Variants in ADGRB3 observed in about 807,000 individuals in gnomAD.
ADGRB3 encodes adhesion G protein-coupled receptor B3, also known as brain-specific angiogenesis inhibitor 3.
Under a neutral mutation model 193.4 loss-of-function variants are expected in ADGRB3, and 37 were observed. The ratio of observed to expected loss-of-function variants is 0.19; its 90% CI spans 0.15 to 0.25. ADGRB3 has a LOEUF of 0.25. ADGRB3 is among the 10% of genes least tolerant of loss of function. The pLI, the probability that ADGRB3 is intolerant of heterozygous loss-of-function variation, is 1.00. For synonymous variants in ADGRB3, 690 were observed against 644.2 expected (o/e 1.07, Z -1.08); for missense variants, 1,637 against 1,852.9 (o/e 0.88, Z 2.14).
At chr6:68,835,772 C>G (rs1057169137) in intron 3 of ADGRB3, among the ~76,000 whole-genome samples, 1 of 151,972 alleles carries the variant, frequency 6.6e-6, no homozygotes, top group Non-Finnish European at 1.5e-5. Context: ...TGGTTTTTTT[C>G]TCATATTTTT....
intron 20 of ADGRB3, among the ~76,000 whole-genome samples, chr6:69,267,010 T>A (rs954033651): frequency 2.2e-4 from 33 of 152,190 alleles, no homozygotes; most frequent in African/African-American, 7.5e-4. Flanking sequence ...TTGTGCAAGA[T>A]TATGATTTTC....
intron 15 of ADGRB3, among the ~76,000 whole-genome samples, chr6:69,060,206 G>GTC (rs1160918273): frequency 5.7e-5 from 4 of 69,724 alleles, no homozygotes; most frequent in East Asian, 2.3e-4. Flanking sequence ...CTCTTTCTCT[G>GTC]TCTCTCTCTC....
intron 10 of ADGRB3, among the ~76,000 whole-genome samples, chr6:68,986,387 A>G (rs1420731200): frequency 1.3e-5 from 2 of 152,172 alleles, no homozygotes; most frequent in African/African-American, 4.8e-5. Context: ...TTCTGGACCA[A>G]ATCTGCCCTA....
chr6:69,035,318 T>C (rs1200488967), intron 13 of ADGRB3, among the ~76,000 whole-genome samples: 1 of 151,644 alleles, frequency 6.6e-6, no homozygotes, highest in East Asian at 2.0e-4. Context: ...ATACTTCAGT[T>C]CTCCCTATTT....
At chr6:68,778,760 C>T (rs1411622177) in intron 3 of ADGRB3, among the ~76,000 whole-genome samples, 1 of 152,020 alleles carries the variant, frequency 6.6e-6, no homozygotes, top group Admixed American at 6.6e-5. Context: ...CAAAATACTA[C>T]CTCTCTCCAG....
At chr6:68,907,036 A>G (rs1766567779) in intron 3 of ADGRB3, among the ~76,000 whole-genome samples, 1 of 151,942 alleles carries the variant, frequency 6.6e-6, no homozygotes, top group African/African-American at 2.4e-5. Flanking sequence ...AATAATATAT[A>G]TACAAAAGGA....
At chr6:69,120,694 G>A (rs891803191) in intron 17 of ADGRB3, among the ~76,000 whole-genome samples, 4 of 152,156 alleles carry the variant, frequency 2.6e-5, no homozygotes, top group African/African-American at 7.2e-5. Context: ...GATGGGGATG[G>A]TGCAACACAG....
At position 69,062,937 on chromosome 6, in the gene ADGRB3, T is replaced by G. The variant is rs1342567208; in HGVS notation, c.2337T>G (p.Asn779Lys). The G allele has an allele frequency of 3.1e-6, 5 of 1,606,132 alleles. No homozygotes were observed. The highest frequency in any genetic ancestry group is 4.3e-6 in the Non-Finnish European group (5 of 1,173,674). ...NLDLILPTLR[N>K]YTVINSKIIV... is the part of the protein sequence containing the mutation. ...AATTATAATTACTCTGTTGCAGAAATTATACTGTCATTAATTCCAAAATCA... is the reference window on the plus strand; with the variant it reads ...AATTATAATTACTCTGTTGCAGAAAGTATACTGTCATTAATTCCAAAATCA... Residue 779 changes from asparagine (N) to lysine (K), a missense_variant, in exon 16 of 32, where the codon AAT (asparagine) becomes AAG (lysine). Asn to Lys is a moderately conservative substitution (Grantham distance 94, BLOSUM62 0). Transcript: ENST00000370598.
At chr6:69,212,536 T>A (rs1765689949) in intron 17 of ADGRB3, among the ~76,000 whole-genome samples, 1 of 149,452 alleles carries the variant, frequency 6.7e-6, no homozygotes, top group Non-Finnish European at 1.5e-5. Context: ...AAAAAAAAAA[T>A]AAAGGATCCC....
Position 69,049,273 on chromosome 6 carries a change from T to G in ADGRB3, c.2260T>G (p.Leu754Val). 1 of 1,597,928 alleles carries G rather than the reference T, an allele frequency of 6.3e-7. No individual in the cohort carries two copies. Among genetic ancestry groups the G allele is most frequent in the East Asian group, 2.2e-5 (1 of 44,486 alleles). ...SIFTPVSSKE[L>V]DESSVFVLGA... ...ACTTCAAAATTTATTCTTTCTAGAA[T>G]TAGATGAATCATCTGTATTTGTTCT... Residue 754 changes from leucine (L) to valine (V), a missense_variant and splice_region_variant, in exon 15 of 32, where the codon TTA becomes GTA. Transcript: ENST00000370598.
chr6:69,222,783 G>A (rs949122294), intron 17 of ADGRB3, among the ~76,000 whole-genome samples: 4 of 151,970 alleles, frequency 2.6e-5, no homozygotes, highest in African/African-American at 7.3e-5. Context: ...TTTATTGAAC[G>A]AGCTTTTTCA....
chr6:68,885,989 A>T (rs1765896394), intron 3 of ADGRB3, among the ~76,000 whole-genome samples: 1 of 152,166 alleles, frequency 6.6e-6, no homozygotes, highest in Admixed American at 6.5e-5. Context: ...CAAAACAAAA[A>T]GACAAGATTG....
chr6:69,343,231 T>C (rs554776065), intron 26 of ADGRB3, among the ~76,000 whole-genome samples: 7 of 151,624 alleles, frequency 4.6e-5, no homozygotes, highest in South Asian at 4.2e-4. Flanking sequence ...ATGTGCACAT[T>C]GTGCAGGTTA....
rs989727103 is a variant in ADGRB3 at position 69,245,808 on chromosome 6, A to T, written c.2814+6582A>T. The stretch of plus-strand genomic sequence containing the variant: ...TTCTCTTGTATTATATTACCTGTTT[A>T]TAATCAGACTATACACTTCTTAGGG... On this transcript the variant is annotated intron_variant, in intron 20 of 31. Coordinates refer to ENST00000370598, the MANE Select transcript of ADGRB3 (RefSeq NM_001704.3). 5.3e-5 allele frequency among the ~76,000 whole-genome samples: 8 copies of T among 152,146 alleles called. No individual in the cohort carries two copies. In the East Asian group the frequency reaches 7.7e-4, roughly 15 times the overall value.
At chr6:69,349,005 T>G (rs368778369) in intron 26 of ADGRB3, among the ~76,000 whole-genome samples, 7 of 152,240 alleles carry the variant, frequency 4.6e-5, no homozygotes, top group African/African-American at 1.7e-4. Context: ...TCAAGTCAAG[T>G]GACCTGATTC....
chr6:69,314,002 C>T (rs555399215), intron 20 of ADGRB3, among the ~76,000 whole-genome samples: 110 of 151,694 alleles, frequency 7.3e-4, no homozygotes, highest in South Asian at 2.3e-3. Flanking sequence ...GTAAAGCTTT[C>T]GTTGAATTCT....
chr6:69,015,889 C>T (rs1770075444), intron 12 of ADGRB3, among the ~76,000 whole-genome samples: 1 of 150,562 alleles, frequency 6.6e-6, no homozygotes, highest in Non-Finnish European at 1.5e-5. Context: ...TACACCCTAC[C>T]CATATGGCTG....
At chr6:69,349,567 A>G (rs1769179848) in intron 26 of ADGRB3, among the ~76,000 whole-genome samples, 1 of 152,180 alleles carries the variant, frequency 6.6e-6, no homozygotes, top group African/African-American at 2.4e-5. Flanking sequence ...ATCATAATAC[A>G]TATGAAATTG....
rs749847915 is a variant in ADGRB3 at position 68,974,798 on chromosome 6, T to A, written c.1561T>A (p.Ser521Thr). The change falls in exon 9 of 32, where the codon TCG becomes ACG. Residue 521 changes from serine (S) to threonine (T), a missense_variant. Coordinates refer to ENST00000370598, the MANE Select transcript of ADGRB3 (RefSeq NM_001704.3). ...AATATGCCCTGAGGATTATCTGATG[T>A]CGATGGTGTGGAAAAGAACTCCAGC... The part of the protein sequence containing the change: ...YEICPEDYLM[S>T]MVWKRTPAGD... The A allele has an allele frequency of 6.2e-7, 1 of 1,613,930 alleles. No individual in the cohort carries two copies. Among genetic ancestry groups the A allele is most frequent in the African/African-American group, 1.3e-5 (1 of 74,912 alleles).
Sources: allele counts gnomAD v4.1 joint callset (sites outside exome capture counted in the v4.1 genomes callset), GRCh38; gene constraint gnomAD v4.1.1; transcripts MANE v1.5; gene names NCBI Gene and HGNC (gene_info 2026-07-23, HGNC 2026-07-21).